The following CRYBG1 variants were observed in gnomAD, a reference collection of about 807,000 sequenced individuals.
CRYBG1 encodes the protein crystallin beta-gamma domain containing 1.
Under a neutral mutation model 189.2 loss-of-function variants are expected in CRYBG1, and 139 were observed. The ratio of observed to expected loss-of-function variants is 0.73; its 90% CI spans 0.64 to 0.85. The LOEUF is 0.85. Ranked by LOEUF, CRYBG1 falls within the 40% of genes least tolerant of loss-of-function variation. The pLI, the probability that CRYBG1 is intolerant of heterozygous loss-of-function variation, is 0.00. For missense variants in CRYBG1, 2,611 were observed against 2,675.8 expected, an observed-to-expected ratio of 0.98 and a Z score of 0.53; for synonymous variants, 1,023 against 1,017.1, an observed-to-expected ratio of 1.01 and a Z score of -0.11.
intron 2 of CRYBG1, among the ~76,000 whole-genome samples, chr6:106,483,389 TAG>T (rs200449215): frequency 0.14 from 19,031 of 133,824 alleles, 2,755 homozygotes; most frequent in Non-Finnish European, 0.18. Flanking sequence ...TATATATATA[TAG>T]ATATATATAT....
intron 1 of CRYBG1, among the ~76,000 whole-genome samples, chr6:106,447,052 T>C (rs1464235024): frequency 6.6e-6 from 1 of 152,212 alleles, no homozygotes; most frequent in African/African-American, 2.4e-5. Context: ...CAGTATAACA[T>C]CTGTGCTAAA....
At chr6:106,555,743 A>C (rs1328148076) in intron 16 of CRYBG1, 25 bp from the exon 17 acceptor site, 3 of 1,613,458 alleles carry the variant, frequency 1.9e-6, no homozygotes, top group Non-Finnish European at 1.7e-6. Context: ...TATTCTGTGC[A>C]TGTGTGTGGT....
At chr6:106,552,487 G>C (rs1186874347) in intron 15 of CRYBG1, among the ~76,000 whole-genome samples, 1 of 148,092 alleles carries the variant, frequency 6.8e-6, no homozygotes, top group Non-Finnish European at 1.5e-5. Flanking sequence ...TCAGGAAGCT[G>C]AGGCAGGAGA....
intron 2 of CRYBG1, among the ~76,000 whole-genome samples, chr6:106,465,225 A>G (rs1018529239): frequency 6.6e-6 from 1 of 152,138 alleles, no homozygotes; most frequent in African/African-American, 2.4e-5. Flanking sequence ...CTAACATCTT[A>G]TTGACACCTA....
intron 1 of CRYBG1, among the ~76,000 whole-genome samples, chr6:106,424,466 C>T (rs1348596037): frequency 6.6e-6 from 1 of 152,022 alleles, no homozygotes; most frequent in Non-Finnish European, 1.5e-5. Context: ...GATTACCCAC[C>T]ACCTCTTTTT....
At chr6:106,506,373 C>T (rs1300810526) in intron 2 of CRYBG1, among the ~76,000 whole-genome samples, 4 of 148,640 alleles carry the variant, frequency 2.7e-5, no homozygotes, top group Non-Finnish European at 5.9e-5. Flanking sequence ...AGGTGGGAAA[C>T]ATAGGAAAAC....
chr6:106,541,453 T>A (rs1395073143), intron 9 of CRYBG1, 133 bp from the exon 10 acceptor site: 1 of 859,950 alleles, frequency 1.2e-6, no homozygotes, highest in East Asian at 2.4e-5. Flanking sequence ...TTTAGAACTA[T>A]CTCACGTAAG....
intron 2 of CRYBG1, among the ~76,000 whole-genome samples, chr6:106,484,494 C>CT (rs1772553702): frequency 1.3e-5 from 2 of 151,826 alleles, no homozygotes; most frequent in African/African-American, 4.8e-5. Context: ...TAATTTTTTT[C>CT]TTTTTTGTAG....
intron 1 of CRYBG1, among the ~76,000 whole-genome samples, chr6:106,411,608 T>C (rs1770928644): frequency 6.6e-6 from 1 of 152,168 alleles, no homozygotes; most frequent in Non-Finnish European, 1.5e-5. Flanking sequence ...ATAGGATATA[T>C]GTATATATAA....
Position 106,511,462 on chromosome 6 carries a change from G to C in CRYBG1, c.345G>C (p.Arg115Ser). The C allele has an allele frequency of 1.3e-6, 2 of 1,535,792 alleles. No individual in the cohort carries two copies. Among genetic ancestry groups the C allele is most frequent in the Non-Finnish European group, 1.7e-6 (2 of 1,146,670 alleles). ...CACAACCTCCAGAAGACAACAGAAG[G>C]AAGCCAGTTTTGGGGAAACTTGGCA... is the stretch of plus-strand genomic sequence containing the variant. ...SRAQPPEDNRRKPVLGKLGTL... is the reference protein window; with the variant it reads ...SRAQPPEDNRSKPVLGKLGTL... The change falls in exon 3 of 22, where the codon AGG becomes AGC. Residue 115 changes from arginine (R) to serine (S), a missense_variant. Around this residue, in one of 3 missense-constraint regions of CRYBG1, gnomAD observed 985 missense variants for 924.4 expected, o/e 1.07. Coordinates refer to ENST00000633556, the MANE Select transcript of CRYBG1 (RefSeq NM_001371242.2).
chr6:106,376,883 A>G (rs1770175336), intron 1 of CRYBG1, among the ~76,000 whole-genome samples: 1 of 152,184 alleles, frequency 6.6e-6, no homozygotes, highest in South Asian at 2.1e-4. Flanking sequence ...GTTCAGGATT[A>G]GGTAAGGGAG....
intron 1 of CRYBG1, among the ~76,000 whole-genome samples, chr6:106,421,140 C>G (rs1306579423): frequency 6.6e-6 from 1 of 152,130 alleles, no homozygotes; most frequent in Non-Finnish European, 1.5e-5. Context: ...GTGCAGTGCA[C>G]TTGAGGCCAA....
At chr6:106,401,451 A>G (rs1379558420) in intron 1 of CRYBG1, among the ~76,000 whole-genome samples, 2 of 131,758 alleles carry the variant, frequency 1.5e-5, no homozygotes, top group East Asian at 4.4e-4. Flanking sequence ...ACATGTGCAC[A>G]TTGTGCAGGT....
chr6:106,390,555 T>C (rs555883863), intron 1 of CRYBG1, among the ~76,000 whole-genome samples: 1 of 152,072 alleles, frequency 6.6e-6, no homozygotes, highest in African/African-American at 2.4e-5. Flanking sequence ...ATATGAAACA[T>C]TACTGTTACT....
Position 106,386,273 on chromosome 6 carries a change from C to T in CRYBG1, c.173+25192C>T, listed in dbSNP as rs567723982. On this transcript the variant is annotated intron_variant, in intron 1 of 21. Transcript: ENST00000633556. ...TTTCCCCGTTTTTCAAAGAAGCTCT[C>T]CAGTGACATTTGTTTTTTACTAATT... Among the ~76,000 whole-genome samples the T allele has an allele frequency of 2.0e-5, 3 of 152,274 alleles. No individual in the cohort carries two copies. The South Asian group carries it at 6.2e-4, about 32-fold the overall frequency.
chr6:106,496,204 A>G (rs2353052), intron 2 of CRYBG1, among the ~76,000 whole-genome samples: 121,257 of 152,226 alleles, frequency 0.8, 49,106 homozygotes, highest in African/African-American at 0.95. Context: ...ATAAGAAATA[A>G]CAATCCTGTA....
intron 9 of CRYBG1, 25 bp downstream of exon 9, chr6:106,539,554 TGTG>T: frequency 1.9e-6 from 3 of 1,595,944 alleles, no homozygotes; most frequent in Non-Finnish European, 2.6e-6. Flanking sequence ...CAAATGTCCT[TGTG>T]GTGATTCTTT....
At chr6:106,385,840 G>A (rs1237675421) in intron 1 of CRYBG1, among the ~76,000 whole-genome samples, 1 of 152,166 alleles carries the variant, frequency 6.6e-6, no homozygotes, top group Admixed American at 6.5e-5. Flanking sequence ...CAGCAGGCAG[G>A]ATCAACTGTT....
At chr6:106,549,881 C>G (rs568983803) in intron 13 of CRYBG1, among the ~76,000 whole-genome samples, 2 of 152,150 alleles carry the variant, frequency 1.3e-5, no homozygotes, top group East Asian at 1.9e-4. Context: ...TCATAATCTG[C>G]TCTAATTATA....
Sources: gnomAD v4.1 joint callset for allele counts (sites outside exome capture counted in the v4.1 genomes callset) on GRCh38, gnomAD v4.1.1 for gene constraint, gnomAD v4.1.1 regional missense constraint, MANE v1.5 for transcripts, NCBI Gene and HGNC (gene_info 2026-07-23, HGNC 2026-07-21) for gene names.